TSPAN5: variants seen among roughly 807,000 people sequenced by gnomAD.
TSPAN5 encodes tetraspanin 5, also known as tetraspanin-5.
In TSPAN5, 10 loss-of-function variants were observed where a neutral mutation model predicts 37.1. That is an observed-to-expected ratio of 0.27 (90% CI 0.17 to 0.46). The LOEUF (loss-of-function observed/expected upper bound fraction) is 0.46. Among genes scored for constraint, TSPAN5 ranks in the 20% least tolerant of loss-of-function variants. The pLI is 1.00. For missense variants in TSPAN5, 195 were observed against 326.6 expected (o/e 0.60, Z 3.11); for synonymous variants, 110 against 118.9 (o/e 0.93, Z 0.48).
chr4:98,525,168 TCTTC>T (rs1470242214), intron 1 of TSPAN5, among the ~76,000 whole-genome samples: 9 of 152,236 alleles, frequency 5.9e-5, no homozygotes, highest in Non-Finnish European at 1.3e-4. Flanking sequence ...TGGGTCCTGC[TCTTC>T]CTAAAATCTT....
chr4:98,639,817 C>T (rs980487427), intron 1 of TSPAN5, among the ~76,000 whole-genome samples: 1 of 152,164 alleles, frequency 6.6e-6, no homozygotes, highest in Non-Finnish European at 1.5e-5. Context: ...GTAGATAGGA[C>T]AGAAGCTGGT....
chr4:98,548,887 GTGT>G (rs769186782), intron 1 of TSPAN5, among the ~76,000 whole-genome samples: 1 of 129,898 alleles, frequency 7.7e-6, no homozygotes, highest in Non-Finnish European at 1.6e-5. Flanking sequence ...GTATTCCAAG[GTGT>G]GTGTGTGTGT....
intron 1 of TSPAN5, among the ~76,000 whole-genome samples, chr4:98,546,269 G>A (rs1413585783): frequency 1.3e-5 from 2 of 152,144 alleles, no homozygotes; most frequent in Admixed American, 6.5e-5. Context: ...AATATCAGAA[G>A]TGTTACTGAA....
intron 1 of TSPAN5, among the ~76,000 whole-genome samples, chr4:98,543,313 C>T (rs1297553959): frequency 6.6e-6 from 1 of 152,008 alleles, no homozygotes; most frequent in Non-Finnish European, 1.5e-5. Context: ...AGAAAGCTTC[C>T]ATTAGATAAT....
chr4:98,615,822 A>G (rs890962887), intron 1 of TSPAN5, among the ~76,000 whole-genome samples: 7 of 152,212 alleles, frequency 4.6e-5, no homozygotes, highest in Non-Finnish European at 1.0e-4. Flanking sequence ...ACCAAAGAAG[A>G]TAAGTGTGTC....
At chr4:98,489,559 AACTGAGCTTTC>A (rs1390278130) in intron 2 of TSPAN5, among the ~76,000 whole-genome samples, 1 of 152,086 alleles carries the variant, frequency 6.6e-6, no homozygotes, top group Non-Finnish European at 1.5e-5. Context: ...TTCTGGTTCG[AACTGAGCTTTC>A]ACTCGCCGTC....
chr4:98,551,262 C>T (rs1385127285), intron 1 of TSPAN5, among the ~76,000 whole-genome samples: 5 of 152,074 alleles, frequency 3.3e-5, no homozygotes, highest in African/African-American at 7.2e-5. Flanking sequence ...TTTTGATGAG[C>T]TGCTGGATTC....
chr4:98,488,281 T>G (rs1354236530), intron 2 of TSPAN5, among the ~76,000 whole-genome samples: 1 of 152,168 alleles, frequency 6.6e-6, no homozygotes, highest in African/African-American at 2.4e-5. Flanking sequence ...CTTAGGAGTT[T>G]TAAGTTTTAA....
intron 3 of TSPAN5, chr4:98,482,879 T>C (rs1752878068): frequency 6.6e-6 from 1 of 152,146 alleles, no homozygotes; most frequent in African/African-American, 2.4e-5. Context: ...TTAAGTGACA[T>C]CAAAATGCAG....
chr4:98,568,173 C>T (rs2110177975), intron 1 of TSPAN5, among the ~76,000 whole-genome samples: 1 of 152,278 alleles, frequency 6.6e-6, no homozygotes, highest in Admixed American at 6.5e-5. Context: ...GCTCAGGAAA[C>T]TCCAGCAGAC....
intron 7 of TSPAN5, among the ~76,000 whole-genome samples, chr4:98,474,982 G>A (rs1752663259): frequency 6.6e-6 from 1 of 152,064 alleles, no homozygotes; most frequent in African/African-American, 2.4e-5. Flanking sequence ...ACCTGGCCTG[G>A]TTTTATTTCT....
At chr4:98,606,305 G>C (rs1756036787) in intron 1 of TSPAN5, among the ~76,000 whole-genome samples, 1 of 152,064 alleles carries the variant, frequency 6.6e-6, no homozygotes, top group South Asian at 2.1e-4. Context: ...ATTCTGAAAG[G>C]TTTGCCCTTG....
intron 2 of TSPAN5, among the ~76,000 whole-genome samples, chr4:98,498,303 G>C (rs989669859): frequency 5.3e-5 from 8 of 152,160 alleles, no homozygotes; most frequent in Non-Finnish European, 1.2e-4. Context: ...CCAAGAGCAG[G>C]GTTCACACCA....
intron 1 of TSPAN5, among the ~76,000 whole-genome samples, chr4:98,579,204 G>A (rs752113478): frequency 2.6e-5 from 4 of 152,202 alleles, no homozygotes; most frequent in East Asian, 1.9e-4. Flanking sequence ...CAGGCTGGCC[G>A]TCACGTTCTC....
chr4:98,552,890 G>A (rs1394302306), intron 1 of TSPAN5, among the ~76,000 whole-genome samples: 2 of 152,146 alleles, frequency 1.3e-5, no homozygotes, highest in Non-Finnish European at 2.9e-5. Flanking sequence ...CTCACAGAGT[G>A]CATGACTAAC....
intron 1 of TSPAN5, among the ~76,000 whole-genome samples, chr4:98,547,178 A>C (rs1311305092): frequency 6.6e-6 from 1 of 152,212 alleles, no homozygotes; most frequent in Non-Finnish European, 1.5e-5. Context: ...TGAGGGGCTT[A>C]ACATCCCACG....
At chr4:98,543,001 C>G (rs1373600195) in intron 1 of TSPAN5, among the ~76,000 whole-genome samples, 1 of 152,146 alleles carries the variant, frequency 6.6e-6, no homozygotes, top group African/African-American at 2.4e-5. Flanking sequence ...TCAAAACATT[C>G]CTAGTACTCA....
chr4:98,564,513 T>A (rs1754953978), intron 1 of TSPAN5, among the ~76,000 whole-genome samples: 3 of 152,332 alleles, frequency 2.0e-5, no homozygotes, highest in East Asian at 3.9e-4. Flanking sequence ...TCTAAGTTAA[T>A]CTCACTGAGT....
chr4:98,627,280 G>A (rs371633299), intron 1 of TSPAN5, among the ~76,000 whole-genome samples: 3 of 152,068 alleles, frequency 2.0e-5, no homozygotes, highest in Non-Finnish European at 4.4e-5. Context: ...ATCCTGAACC[G>A]GATCCTTTTG....
Sources: gnomAD v4.1 joint callset for allele counts (sites outside exome capture counted in the v4.1 genomes callset) on GRCh38, gnomAD v4.1.1 for gene constraint, MANE v1.5 for transcripts, NCBI Gene and HGNC (gene_info 2026-07-23, HGNC 2026-07-21) for gene names.